The following PRSS23 variants were observed in gnomAD, a reference collection of about 807,000 sequenced individuals.
PRSS23 encodes protease, serine 23.
In PRSS23, 25 loss-of-function variants were observed where a neutral mutation model predicts 34.7. The ratio of observed to expected loss-of-function variants is 0.72; its 90% CI spans 0.53 to 1.01. The LOEUF is 1.01. Among genes scored for constraint, PRSS23 ranks in the 50% least tolerant of loss-of-function variants. The probability of loss-of-function intolerance (pLI) is 0.00; values close to 1 mark genes in which losing one functional copy is unlikely to be tolerated. For missense variants in PRSS23, 445 were observed against 475.6 expected, an observed-to-expected ratio of 0.94 and a Z score of 0.60; for synonymous variants, 176 against 186.6, an observed-to-expected ratio of 0.94 and a Z score of 0.46.
At chr11:86,821,141 C>T in intron 1 of PRSS23, 1 of 619,504 alleles carries the variant, frequency 1.6e-6, no homozygotes, top group Non-Finnish European at 2.4e-6. Context: ...TGATTCCCTT[C>T]ATGCTTCACT....
chr11:86,914,732 A>G (rs1209674552), intron 2 of PRSS23, among the ~76,000 whole-genome samples: 1 of 152,228 alleles, frequency 6.6e-6, no homozygotes, highest in Non-Finnish European at 1.5e-5. Flanking sequence ...AAAACTTTCA[A>G]TAATTCTGAT....
In PRSS23 at chr11:86,854,290, G is replaced by A. The variant is rs140730115; in HGVS notation, c.206+30697G>A. On this transcript the variant is annotated intron_variant, in intron 2 of 2. Coordinates refer to the PRSS23 transcript ENST00000533902. The stretch of plus-strand genomic sequence containing the variant: ...GCCGGGATTACAGGTGTGAGCCCCC[G>A]CACCTGGCCGCTATATCTTCTTTAG... Among the ~76,000 whole-genome samples the A allele has an allele frequency of 4.0e-3, 614 of 152,264 alleles. 3 individuals are homozygous for A. The highest frequency in any genetic ancestry group is 6.8e-3 in the Middle Eastern group (2 of 294).
At position 86,808,188 on chromosome 11, in the gene PRSS23, C is replaced by T; in HGVS notation, c.545C>T (p.Thr182Ile). ...GCCCACTGCATACACGATGGAAAAA[C>T]CTATGTGAAAGGAACCCAGAAGCTT... The part of the protein sequence containing the change: ...TAAHCIHDGK[T>I]YVKGTQKLRV... The change falls in exon 2 of 2, where the codon ACC becomes ATC. Residue 182 changes from threonine to isoleucine, a missense_variant. Thr to Ile is a moderately conservative substitution (Grantham distance 89). Coordinates refer to ENST00000280258, the MANE Select transcript of PRSS23 (RefSeq NM_007173.6). 2 of 1,614,136 alleles carry T rather than the reference C, an allele frequency of 1.2e-6. No homozygotes were observed. Among genetic ancestry groups the T allele is most frequent in the Non-Finnish European group, 1.7e-6 (2 of 1,180,020 alleles).
At chr11:86,899,768 G>A (rs549514562) in intron 2 of PRSS23, among the ~76,000 whole-genome samples, 296 of 151,468 alleles carry the variant, frequency 2.0e-3, no homozygotes, top group African/African-American at 7.0e-3. Context: ...CACCTGCCTC[G>A]GCCTCCCAAA....
At chr11:86,819,747 GA>G (rs1299065108) in intron 1 of PRSS23, among the ~76,000 whole-genome samples, 1 of 151,944 alleles carries the variant, frequency 6.6e-6, no homozygotes, top group Non-Finnish European at 1.5e-5. Flanking sequence ...CCTTAAATTT[GA>G]AAAAACAATT....
In PRSS23 at chr11:86,861,313, G is replaced by C. The variant is rs530328768; in HGVS notation, c.206+37720G>C. On this transcript the variant is annotated intron_variant, in intron 2 of 2. Coordinates refer to the PRSS23 transcript ENST00000533902. ...ATGGTTTGTAATATCCGGGGGCGGA[G>C]AGGGGCATGATATTACTCTCAATAT... Among the ~76,000 whole-genome samples, 18 of 151,792 alleles carry C rather than the reference G, an allele frequency of 1.2e-4. No individual in the cohort carries two copies. The East Asian group carries it at 3.5e-3, about 30-fold the overall frequency.
intron 2 of PRSS23, among the ~76,000 whole-genome samples, chr11:86,856,536 GA>G (rs1473939683): frequency 2.6e-5 from 4 of 152,170 alleles, no homozygotes; most frequent in African/African-American, 9.7e-5. Flanking sequence ...ATGAACTGTG[GA>G]AAAGGATGTG....
At chr11:86,906,574 C>T (rs1948944403) in intron 2 of PRSS23, among the ~76,000 whole-genome samples, 1 of 152,198 alleles carries the variant, frequency 6.6e-6, no homozygotes, top group South Asian at 2.1e-4. Context: ...TGATAGTTTG[C>T]CACGAATCTC....
chr11:86,838,140 G>A (rs1050958470), intron 2 of PRSS23, among the ~76,000 whole-genome samples: 3 of 151,318 alleles, frequency 2.0e-5, no homozygotes, highest in Non-Finnish European at 2.9e-5. Flanking sequence ...CACTTCATGT[G>A]TTTACAATAT....
At chr11:86,794,465 G>T (rs187047383) in intron 1 of PRSS23, among the ~76,000 whole-genome samples, 27 of 152,256 alleles carry the variant, frequency 1.8e-4, no homozygotes, top group African/African-American at 6.0e-4. Context: ...GATAATTTTA[G>T]ATTGGCATAT....
chr11:86,825,533 T>A (rs918353079), intron 2 of PRSS23, among the ~76,000 whole-genome samples: 1 of 151,790 alleles, frequency 6.6e-6, no homozygotes, highest in Non-Finnish European at 1.5e-5. Context: ...GCTTTTGGTG[T>A]TTTAGACATG....
intron 2 of PRSS23, among the ~76,000 whole-genome samples, chr11:86,830,933 G>A (rs139347147): frequency 6.6e-5 from 10 of 152,002 alleles, no homozygotes; most frequent in African/African-American, 2.4e-4. Context: ...AAGTCACAGG[G>A]GGTTTACAAA....
At chr11:86,853,303 G>A (rs1260621028) in intron 2 of PRSS23, among the ~76,000 whole-genome samples, 3 of 122,856 alleles carry the variant, frequency 2.4e-5, no homozygotes, top group East Asian at 2.6e-4. Flanking sequence ...CACCCAGGCT[G>A]GAGTTCAGTG....
intron 2 of PRSS23, among the ~76,000 whole-genome samples, chr11:86,848,294 C>T (rs1948502599): frequency 6.6e-6 from 1 of 152,148 alleles, no homozygotes; most frequent in South Asian, 2.1e-4. Context: ...AGCAGCAGCC[C>T]AGCAATTTAG....
intron 2 of PRSS23, among the ~76,000 whole-genome samples, chr11:86,836,532 C>T (rs139007570): frequency 2.7e-4 from 41 of 152,286 alleles, no homozygotes; most frequent in African/African-American, 9.6e-4. Context: ...ATATCTCTCC[C>T]TAACAAGGGA....
intron 2 of PRSS23, chr11:86,857,828 G>T: frequency 1.5e-6 from 1 of 655,564 alleles, no homozygotes; most frequent in South Asian, 1.4e-5. Context: ...AGGTTGGAGA[G>T]GAAGAAGTAC....
chr11:86,829,020 T>C (rs966337885), intron 2 of PRSS23, among the ~76,000 whole-genome samples: 3 of 152,246 alleles, frequency 2.0e-5, no homozygotes, highest in African/African-American at 7.2e-5. Context: ...TCTCTGTATT[T>C]CCTGAATCTG....
rs138075477 is a variant in PRSS23 at position 86,916,837 on chromosome 11, C to T, written c.207-34379C>T. ...ACCACCCCTCTCTGTGCCTCAGTTT[C>T]TCAACTGTAAAACTTATACGTCTGC... On this transcript the variant is annotated intron_variant, in intron 2 of 2. Coordinates refer to the PRSS23 transcript ENST00000533902. Among the ~76,000 whole-genome samples, 1,192 of 152,274 alleles carry T rather than the reference C, an allele frequency of 7.8e-3. 8 individuals are homozygous for T. Among genetic ancestry groups the T allele is most frequent in the Middle Eastern group, 0.024 (7 of 292 alleles).
chr11:86,852,962 T>C (rs1442458498), intron 2 of PRSS23, among the ~76,000 whole-genome samples: 1 of 152,126 alleles, frequency 6.6e-6, no homozygotes, highest in Non-Finnish European at 1.5e-5. Flanking sequence ...CAAGCGATTC[T>C]TGTGTCTCAG....
Sources: gnomAD v4.1 joint callset for allele counts (sites outside exome capture counted in the v4.1 genomes callset) on GRCh38, gnomAD v4.1.1 for gene constraint, MANE v1.5 for transcripts, NCBI Gene and HGNC (gene_info 2026-07-23, HGNC 2026-07-21) for gene names.